Variants in PARD3B observed in about 807,000 individuals in gnomAD.
PARD3B encodes partitioning defective 3 homolog B.
A neutral mutation model predicts 130.2 loss-of-function variants in PARD3B; 103 were observed. The observed-to-expected ratio is 0.79, with a 90% confidence interval of 0.67 to 0.93. The LOEUF (loss-of-function observed/expected upper bound fraction) is 0.93, where lower values mean the gene tolerates loss of function less well. Among genes scored for constraint, PARD3B ranks in the 40% least tolerant of loss-of-function variants. The pLI is 0.00. For synonymous variants in PARD3B, 583 were observed against 553.2 expected (o/e 1.05, Z -0.76); for missense variants, 1,609 against 1,499.2 (o/e 1.07, Z -1.21).
At chr2:204,949,855 A>G (rs535106023) in intron 2 of PARD3B, among the ~76,000 whole-genome samples, 2 of 152,232 alleles carry the variant, frequency 1.3e-5, no homozygotes, top group East Asian at 3.9e-4. Flanking sequence ...TTGGTCTCTT[A>G]AAGTTGACTT....
At chr2:205,565,037 C>T (rs759177402) in intron 22 of PARD3B, among the ~76,000 whole-genome samples, 6 of 152,194 alleles carry the variant, frequency 3.9e-5, no homozygotes, top group Non-Finnish European at 8.8e-5. Context: ...CAACAGTACA[C>T]TCTGGGACAT....
At chr2:205,130,049 A>G (rs2031854131) in intron 10 of PARD3B, among the ~76,000 whole-genome samples, 2 of 152,326 alleles carry the variant, frequency 1.3e-5, no homozygotes, top group Admixed American at 1.3e-4. Context: ...TTATATAATA[A>G]CATTACAACT....
In PARD3B at chr2:204,866,326, G is replaced by A. The variant is rs371465973; in HGVS notation, c.223-98826G>A. Among the ~76,000 whole-genome samples, 8 of 152,194 alleles carry A rather than the reference G, an allele frequency of 5.3e-5. No homozygotes were observed. The South Asian group carries it at 1.5e-3, about 28-fold the overall frequency. On this transcript the variant is annotated intron_variant, in intron 2 of 22. Coordinates refer to ENST00000406610, the MANE Select transcript of PARD3B (RefSeq NM_001302769.2). ...TATTCTCTGTGAGCTTTTGTTGTGAGTTATTGTGAGAGTTAAAAGATATAA... is the reference window on the plus strand; with the variant it reads ...TATTCTCTGTGAGCTTTTGTTGTGAATTATTGTGAGAGTTAAAAGATATAA...
Position 205,087,520 on chromosome 2 carries a change from A to G in PARD3B, c.505-16906A>G, listed in dbSNP as rs368264393. ...CTCTTTTTTTTTCTTGCTGTCTTCA[A>G]TATTATGGACAAAATTTGGAATATT... On this transcript the variant is annotated intron_variant, in intron 4 of 22. Transcript: ENST00000406610. 1.7e-3 allele frequency among the ~76,000 whole-genome samples: 254 copies of G among 152,184 alleles called. 1 individual carries two copies. Among genetic ancestry groups the G allele is most frequent in the African/African-American group, 5.6e-3 (234 of 41,508 alleles).
rs1054202977 is a variant in PARD3B, at chr2:205,292,258, T to TA, written c.2186-8264dup. On this transcript the variant is annotated intron_variant, in intron 16 of 22. Coordinates refer to ENST00000406610, the MANE Select transcript of PARD3B (RefSeq NM_001302769.2). The surrounding 1 kb of genome is among the most constrained non-coding windows in gnomAD (Gnocchi z 5.3). ...CTCATGAATGGGATTAGTTTCCTTA[T>TA]AAAAAAAAGACTCACAGAGAGTTCC... 8.6e-5 allele frequency among the ~76,000 whole-genome samples: 13 copies of TA among 151,602 alleles called. No individual in the cohort carries two copies. The highest frequency in any genetic ancestry group is 2.7e-4 in the African/African-American group (11 of 41,214).
rs147219359 is a variant in PARD3B at position 205,558,924 on chromosome 2, C to G, written c.3260+5521C>G. The stretch of plus-strand genomic sequence containing the variant: ...ACACCCTGAATTGGATTATTCTCCA[C>G]TGCCCCTTTCCACCCCATTGAAATA... On this transcript the variant is annotated intron_variant, in intron 22 of 22. Transcript: ENST00000406610. The surrounding 1 kb of genome is among the most constrained non-coding windows in gnomAD (Gnocchi z 4.8). 4.7e-3 allele frequency among the ~76,000 whole-genome samples: 718 copies of G among 152,346 alleles called. 5 individuals carry two copies. Among genetic ancestry groups the G allele is most frequent in the African/African-American group, 0.016 (684 of 41,574 alleles).
intron 1 of PARD3B, among the ~76,000 whole-genome samples, chr2:204,614,574 G>C (rs2034042695): frequency 6.6e-6 from 1 of 152,150 alleles, no homozygotes; most frequent in South Asian, 2.1e-4. Flanking sequence ...ACAGTGATAT[G>C]GTCTAGGTCT....
chr2:205,172,320 A>AG lies in PARD3B; in HGVS notation c.1733dup (p.Asn579LysfsTer33), dbSNP rs1345766714. The AG allele has an allele frequency of 1.9e-6, 3 of 1,614,034 alleles. No homozygotes were observed. Among genetic ancestry groups the AG allele is most frequent in the African/African-American group, 2.7e-5 (2 of 74,922 alleles). On this transcript the variant is annotated frameshift_variant, in exon 12 of 23. Transcript: ENST00000406610. LOFTEE classifies it high-confidence loss of function. ...ACACTTAGGCGGTCAATGTCCATGG[A>AG]GGGAAACATCCGAGGGATGATCCAG...
At position 205,258,826 on chromosome 2, in the gene PARD3B, C is replaced by T. The variant is rs141370410; in HGVS notation, c.2185+13004C>T. 6.6e-6 allele frequency among the ~76,000 whole-genome samples: 1 copy of T among 152,272 alleles called. No individual in the cohort carries two copies. Among genetic ancestry groups the T allele is most frequent in the East Asian group, 1.9e-4 (1 of 5,188 alleles). On this transcript the variant is annotated intron_variant, in intron 16 of 22. Transcript: ENST00000406610. This position sits in a 1 kb window ranked among gnomAD's most constrained non-coding sequence, Gnocchi z 4.9. ...AACACATTTACATTTATTGCAATTA[C>T]TAGCATATTTAGATTTATGTTTTAT...
intron 21 of PARD3B, among the ~76,000 whole-genome samples, chr2:205,521,452 T>C (rs1368104665): frequency 1.3e-5 from 2 of 152,108 alleles, no homozygotes; most frequent in East Asian, 1.9e-4. Context: ...AACTTTGTGA[T>C]ACCTTAGAGC....
At chr2:204,750,665 TATTC>T (rs1455441826) in intron 2 of PARD3B, among the ~76,000 whole-genome samples, 5 of 151,826 alleles carry the variant, frequency 3.3e-5, no homozygotes, top group Non-Finnish European at 5.9e-5. Flanking sequence ...TAAAAGGAAA[TATTC>T]ATGGTGTCAT....
intron 2 of PARD3B, among the ~76,000 whole-genome samples, chr2:204,831,567 C>G (rs1298382861): frequency 1.3e-5 from 2 of 152,124 alleles, no homozygotes; most frequent in Non-Finnish European, 2.9e-5. Context: ...TACATGAGAA[C>G]TGAGTTTGGT....
intron 3 of PARD3B, among the ~76,000 whole-genome samples, chr2:204,976,817 T>C (rs913474863): frequency 2.0e-5 from 3 of 151,506 alleles, no homozygotes; most frequent in African/African-American, 7.3e-5. Flanking sequence ...ACCGTGTTGG[T>C]CAGGCTGGTC....
chr2:205,216,955 C>T (rs1051931521), intron 15 of PARD3B, among the ~76,000 whole-genome samples: 4 of 152,152 alleles, frequency 2.6e-5, no homozygotes, highest in African/African-American at 7.2e-5. Context: ...GGCTCTCGCA[C>T]CCATATTTGT....
intron 1 of PARD3B, among the ~76,000 whole-genome samples, chr2:204,613,550 T>G (rs993224351): frequency 6.6e-6 from 1 of 152,150 alleles, no homozygotes; most frequent in East Asian, 1.9e-4. Flanking sequence ...TGTTATTGCG[T>G]TTTGGACCTT....
At chr2:204,684,514 AAAG>A (rs2036987001) in intron 1 of PARD3B, among the ~76,000 whole-genome samples, 1 of 152,198 alleles carries the variant, frequency 6.6e-6, no homozygotes, top group African/African-American at 2.4e-5. Flanking sequence ...CCATAACAAA[AAAG>A]ATTTAATTCC....
intron 15 of PARD3B, among the ~76,000 whole-genome samples, chr2:205,242,994 C>G (rs1406344023): frequency 6.6e-6 from 1 of 152,040 alleles, no homozygotes; most frequent in African/African-American, 2.4e-5. Context: ...TGGAGAAACC[C>G]CGTCTCTACT....
At chr2:204,884,587 A>G (rs557997826) in intron 2 of PARD3B, among the ~76,000 whole-genome samples, 23 of 152,158 alleles carry the variant, frequency 1.5e-4, no homozygotes, top group African/African-American at 4.6e-4. Flanking sequence ...TCCATTGGCT[A>G]TTCTCTCTGA....
chr2:204,767,061 C>T (rs1487627390), intron 2 of PARD3B, among the ~76,000 whole-genome samples: 5 of 118,770 alleles, frequency 4.2e-5, no homozygotes, highest in Non-Finnish European at 8.5e-5. Context: ...AGGTTAGTTA[C>T]ATATGTATAC....
Sources: gnomAD v4.1 joint callset for allele counts (sites outside exome capture counted in the v4.1 genomes callset) on GRCh38, gnomAD v4.1.1 for gene constraint, Gnocchi (gnomAD v3.1) non-coding constraint, MANE v1.5 for transcripts, NCBI Gene and HGNC (gene_info 2026-07-23, HGNC 2026-07-21) for gene names.